ATG5: variants seen among roughly 807,000 people sequenced by gnomAD.
The protein encoded by ATG5 is autophagy protein 5.
ATG5 carries 14 observed loss-of-function variants against 36.5 expected under a neutral mutation model. That is an observed-to-expected ratio of 0.38 (90% confidence interval 0.25 to 0.60). The LOEUF is 0.60. ATG5 is among the 20% of genes least tolerant of loss of function. The pLI is 0.60. For missense variants in ATG5, 195 were observed against 326.7 expected (o/e 0.60, Z 3.11); for synonymous variants, 95 against 101.5 (o/e 0.94, Z 0.38).
chr6:106,228,868 G>A (rs750221928), intron 6 of ATG5, among the ~76,000 whole-genome samples: 35 of 152,166 alleles, frequency 2.3e-4, no homozygotes, highest in Admixed American at 7.9e-4. Context: ...TCTGGGTTGG[G>A]AACCTTGGTC....
At chr6:106,243,359 A>C (rs1334050146) in intron 6 of ATG5, among the ~76,000 whole-genome samples, 1 of 152,114 alleles carries the variant, frequency 6.6e-6, no homozygotes, top group Non-Finnish European at 1.5e-5. Flanking sequence ...ACTTCTTCCA[A>C]AGACAAGTAG....
chr6:106,249,775 C>A (rs1778493287), intron 5 of ATG5, among the ~76,000 whole-genome samples: 1 of 152,198 alleles, frequency 6.6e-6, no homozygotes, highest in Non-Finnish European at 1.5e-5. Context: ...ATGCTTGCTA[C>A]TACTGGTCTT....
chr6:106,321,680 C>T (rs916423104), intron 1 of ATG5, among the ~76,000 whole-genome samples: 2 of 152,092 alleles, frequency 1.3e-5, no homozygotes, highest in African/African-American at 4.8e-5. Context: ...TCTTAAGTGT[C>T]GGCTTAATAT....
In ATG5 at chr6:106,269,847, G is replaced by A. The variant is rs1403713897; in HGVS notation, c.478+9814C>T. ...CCAGCCTTGGCCAGCCCAGAAAGGG[G>A]CTCCCACAGTGCAGCGGTGGGCTGA... On this transcript the variant is annotated intron_variant, in intron 5 of 7. Transcript: ENST00000369076. 5.3e-5 allele frequency among the ~76,000 whole-genome samples: 8 copies of A among 152,342 alleles called. No individual in the cohort carries two copies. The East Asian group carries it at 1.4e-3, about 26-fold the overall frequency.
intron 7 of ATG5, among the ~76,000 whole-genome samples, chr6:106,201,350 A>G (rs1007104722): frequency 2.6e-5 from 4 of 151,422 alleles, no homozygotes; most frequent in Non-Finnish European, 2.9e-5. Flanking sequence ...GGGCAGTTTT[A>G]TTGTTTTCTG....
At chr6:106,210,950 C>CA (rs962519760) in intron 6 of ATG5, among the ~76,000 whole-genome samples, 6 of 151,450 alleles carry the variant, frequency 4.0e-5, no homozygotes, top group Non-Finnish European at 7.4e-5. Flanking sequence ...ATTGAGCTGT[C>CA]AAAAAAAATA....
At chr6:106,302,972 A>C (rs973679249) in intron 3 of ATG5, among the ~76,000 whole-genome samples, 1 of 152,100 alleles carries the variant, frequency 6.6e-6, no homozygotes, top group African/African-American at 2.4e-5. Flanking sequence ...TAAGATGGTA[A>C]ATTTTGTTAC....
intron 3 of ATG5, chr6:106,304,326 A>G (rs1208357975): frequency 6.6e-6 from 1 of 152,214 alleles, no homozygotes; most frequent in African/African-American, 2.4e-5. Flanking sequence ...TTCAGAAAAC[A>G]AAATTAATTT....
intron 1 of ATG5, among the ~76,000 whole-genome samples, chr6:106,323,511 T>C (rs1771177046): frequency 6.6e-6 from 1 of 152,006 alleles, no homozygotes; most frequent in African/African-American, 2.4e-5. Context: ...AAAGATGGTA[T>C]TACAAGCATG....
At chr6:106,254,186 C>A (rs1443167851) in intron 5 of ATG5, among the ~76,000 whole-genome samples, 1 of 152,194 alleles carries the variant, frequency 6.6e-6, no homozygotes, top group Non-Finnish European at 1.5e-5. Context: ...TCATTCAAGT[C>A]TCAATAGTGT....
intron 4 of ATG5, among the ~76,000 whole-genome samples, chr6:106,284,947 C>A (rs1780020029): frequency 6.6e-6 from 1 of 152,112 alleles, no homozygotes; most frequent in Non-Finnish European, 1.5e-5. Flanking sequence ...CTGTAGGCAA[C>A]CCACACACAG....
rs1025979812 is a variant in ATG5 at position 106,186,159 on chromosome 6, T to TA, written c.*380dup. ...AACCAATGTTTCCACTTTCATGAGC[T>TA]AAAGTTCAACCATGGTCACCTTAGG... On this transcript the variant is annotated 3_prime_UTR_variant, in exon 8 of 8. Coordinates refer to ENST00000369076, the MANE Select transcript of ATG5 (RefSeq NM_004849.4). 2 of 168,488 alleles carry TA rather than the reference T, an allele frequency of 1.2e-5. No individual in the cohort carries two copies. Among genetic ancestry groups the TA allele is most frequent in the African/African-American group, 4.7e-5 (2 of 42,232 alleles). The allele number at this position is 168,488 out of a possible 1,614,324, so 10.4% of individuals were successfully genotyped here.
chr6:106,297,438 G>A (rs1275872789), intron 3 of ATG5, among the ~76,000 whole-genome samples: 1 of 152,040 alleles, frequency 6.6e-6, no homozygotes, highest in African/African-American at 2.4e-5. Flanking sequence ...CTGGCAAAGG[G>A]TTTATAGATT....
intron 6 of ATG5, among the ~76,000 whole-genome samples, chr6:106,227,649 T>A (rs1263358456): frequency 6.6e-6 from 1 of 152,188 alleles, no homozygotes; most frequent in Non-Finnish European, 1.5e-5. Flanking sequence ...AAATGATCAG[T>A]ACCTTGAAGC....
chr6:106,269,900 C>A (rs1779386139), intron 5 of ATG5, among the ~76,000 whole-genome samples: 1 of 152,208 alleles, frequency 6.6e-6, no homozygotes, highest in African/African-American at 2.4e-5. Context: ...AAAGTAGGAG[C>A]CCAGGCAGAG....
intron 6 of ATG5, among the ~76,000 whole-genome samples, chr6:106,231,383 A>G (rs1777684010): frequency 6.6e-6 from 1 of 152,184 alleles, no homozygotes; most frequent in Non-Finnish European, 1.5e-5. Flanking sequence ...CAGGTCAATG[A>G]TAGGTCGACA....
chr6:106,201,984 TAGCAGAA>T lies in ATG5; in HGVS notation c.672_678del (p.Ser225LeufsTer12). On this transcript the variant is annotated frameshift_variant, in exon 7 of 8. Coordinates refer to ENST00000369076, the MANE Select transcript of ATG5 (RefSeq NM_004849.4). LOFTEE classifies it high-confidence loss of function. ...CTGATTGTATTACCTTCAGGATCAA[TAGCAGAA>T]GGACAAACTTCTTTGAGGAGATCTC... is the stretch of plus-strand genomic sequence containing the variant. 6.2e-7 allele frequency: 1 copy of T among 1,609,852 alleles called. No homozygotes were observed. The highest frequency in any genetic ancestry group is 8.5e-7 in the Non-Finnish European group (1 of 1,176,956).
chr6:106,266,441 C>T (rs1455336609), intron 5 of ATG5, among the ~76,000 whole-genome samples: 1 of 152,176 alleles, frequency 6.6e-6, no homozygotes. Context: ...TACCACCATT[C>T]CTTCTGAAAC....
chr6:106,297,763 CACAT>C (rs1352430561), intron 3 of ATG5, among the ~76,000 whole-genome samples: 21 of 113,240 alleles, frequency 1.9e-4, no homozygotes, highest in East Asian at 6.1e-4. Context: ...CACACACACA[CACAT>C]ATATATTTTA....
Sources: gnomAD v4.1 joint callset for allele counts (sites outside exome capture counted in the v4.1 genomes callset) on GRCh38, gnomAD v4.1.1 for gene constraint, MANE v1.5 for transcripts, NCBI Gene and HGNC (gene_info 2026-07-23, HGNC 2026-07-21) for gene names.